RALGPS2: variants seen among roughly 807,000 people sequenced by gnomAD.
RALGPS2 encodes the protein ras-specific guanine nucleotide-releasing factor RalGPS2.
A neutral mutation model predicts 86.8 loss-of-function variants in RALGPS2; 43 were observed. That is an observed-to-expected ratio of 0.50 (90% CI 0.39 to 0.64). RALGPS2 has a LOEUF of 0.64. RALGPS2 is among the 30% of genes least tolerant of loss of function. The pLI is 0.00. For synonymous variants in RALGPS2, 243 were observed against 231.3 expected (o/e 1.05, Z -0.46); for missense variants, 536 against 694.6 (o/e 0.77, Z 2.57).
At chr1:178,856,031 C>T (rs12131301) in intron 8 of RALGPS2, among the ~76,000 whole-genome samples, 1 of 147,950 alleles carries the variant, frequency 6.8e-6, no homozygotes, top group Non-Finnish European at 1.5e-5. Flanking sequence ...TATAAAAATT[C>T]TGATTGTCAA....
chr1:178,894,054 C>A, intron 16 of RALGPS2, 30 bp downstream of exon 16: 1 of 1,323,948 alleles, frequency 7.6e-7, no homozygotes, highest in Non-Finnish European at 1.1e-6. Flanking sequence ...TATTTTAATA[C>A]ACCTCTAAAA....
intron 7 of RALGPS2, among the ~76,000 whole-genome samples, chr1:178,823,600 T>A (rs1313713241): frequency 6.6e-6 from 1 of 152,156 alleles, no homozygotes; most frequent in Admixed American, 6.5e-5. Flanking sequence ...GTAGAGGTAA[T>A]AACAAGTAAA....
chr1:178,811,705 T>C (rs918903372), intron 6 of RALGPS2, among the ~76,000 whole-genome samples: 2 of 152,200 alleles, frequency 1.3e-5, no homozygotes, highest in African/African-American at 4.8e-5. Context: ...TTATAAAATA[T>C]TGGACTATTC....
At chr1:178,805,339 A>G (rs950543412) in intron 4 of RALGPS2, among the ~76,000 whole-genome samples, 1 of 151,536 alleles carries the variant, frequency 6.6e-6, no homozygotes, top group Non-Finnish European at 1.5e-5. Flanking sequence ...TGTTTTAGAC[A>G]TGAAGTCCTT....
intron 1 of RALGPS2, among the ~76,000 whole-genome samples, chr1:178,736,680 T>C (rs902476031): frequency 6.6e-6 from 1 of 152,058 alleles, no homozygotes; most frequent in African/African-American, 2.4e-5. Flanking sequence ...GGCGGATTGC[T>C]TGAGCCCAGG....
chr1:178,920,029 G>A lies in RALGPS2; in HGVS notation c.*3670G>A, dbSNP rs1032042216. The stretch of plus-strand genomic sequence containing the variant: ...GTATGACTTCTTTAGTGACCTTTTA[G>A]GGTTTGCTTTTATTTTCCTCTCTTT... On this transcript the variant is annotated 3_prime_UTR_variant, in exon 20 of 20. Coordinates refer to ENST00000367635, the MANE Select transcript of RALGPS2 (RefSeq NM_152663.5). 6.6e-6 allele frequency: 1 copy of A among 151,896 alleles called. No individual in the cohort carries two copies. The highest frequency in any genetic ancestry group is 2.4e-5 in the African/African-American group (1 of 41,398). 9.4% of individuals were successfully genotyped at this position (151,896 alleles called of 1,614,324 possible).
intron 4 of RALGPS2, among the ~76,000 whole-genome samples, chr1:178,801,701 T>C (rs1654486562): frequency 6.6e-6 from 1 of 152,008 alleles, no homozygotes; most frequent in Admixed American, 6.6e-5. Flanking sequence ...AAAGAGATTG[T>C]GGATATGGCA....
intron 1 of RALGPS2, among the ~76,000 whole-genome samples, chr1:178,755,116 A>G (rs1252088727): frequency 6.6e-6 from 1 of 152,012 alleles, no homozygotes; most frequent in Non-Finnish European, 1.5e-5. Context: ...CCAGTTTTTA[A>G]CATTTTGTCA....
chr1:178,811,456 G>T (rs757726280), intron 6 of RALGPS2, 52 bp downstream of exon 6: 56 of 1,214,684 alleles, frequency 4.6e-5, no homozygotes, highest in Non-Finnish European at 6.1e-5. Context: ...ATAAATGTTT[G>T]TAAGTGAATA....
chr1:178,726,086 C>T (rs1649982866), intron 1 of RALGPS2: 1 of 152,370 alleles, frequency 6.6e-6, no homozygotes, highest in Non-Finnish European at 1.5e-5. Context: ...TCGGCTTGCT[C>T]TACGGCCTGG....
chr1:178,815,327 C>T (rs1364420571), intron 6 of RALGPS2, among the ~76,000 whole-genome samples: 1 of 152,036 alleles, frequency 6.6e-6, no homozygotes, highest in Non-Finnish European at 1.5e-5. Flanking sequence ...TCAGGTGATC[C>T]TCCCATCTCG....
chr1:178,850,657 A>C (rs1464344432), intron 8 of RALGPS2: 7 of 152,450 alleles, frequency 4.6e-5, no homozygotes, highest in African/African-American at 1.7e-4. Flanking sequence ...CAATGGAAGA[A>C]GCATTTTCTA....
intron 8 of RALGPS2, among the ~76,000 whole-genome samples, chr1:178,863,808 G>A (rs565267377): frequency 7.9e-5 from 12 of 152,308 alleles, no homozygotes; most frequent in Non-Finnish European, 1.8e-4. Context: ...TTAAAATGTA[G>A]AAGGCCAGGA....
intron 9 of RALGPS2, among the ~76,000 whole-genome samples, chr1:178,878,417 T>C (rs1319914706): frequency 6.6e-6 from 1 of 152,174 alleles, no homozygotes; most frequent in African/African-American, 2.4e-5. Flanking sequence ...ACTATCAGTG[T>C]GGAGATAGAA....
chr1:178,789,084 T>C (rs1251983147), intron 4 of RALGPS2, among the ~76,000 whole-genome samples: 1 of 152,062 alleles, frequency 6.6e-6, no homozygotes, highest in East Asian at 1.9e-4. Context: ...TTTTTGTATT[T>C]TTAGTACAGA....
At chr1:178,788,837 CTTTCTTTCTT>C (rs1410903533) in intron 4 of RALGPS2, among the ~76,000 whole-genome samples, 8 of 123,210 alleles carry the variant, frequency 6.5e-5, no homozygotes, top group African/African-American at 2.5e-4. Context: ...TGTTTTCTTT[CTTTCTTTCTT>C]TTCTTTTCTT....
intron 1 of RALGPS2, among the ~76,000 whole-genome samples, chr1:178,736,279 A>G (rs1650699751): frequency 6.7e-6 from 1 of 150,128 alleles, no homozygotes. Flanking sequence ...CTCCTGCCTC[A>G]GCTTCTCAAG....
At position 178,742,286 on chromosome 1, in the gene RALGPS2, G is replaced by T. The variant is rs539637232; in HGVS notation, c.-84+16867G>T. Among the ~76,000 whole-genome samples the T allele has an allele frequency of 5.3e-5, 8 of 152,112 alleles. 1 individual carries two copies. In the South Asian group the frequency reaches 1.5e-3, roughly 28 times the overall value. On this transcript the variant is annotated intron_variant, in intron 1 of 19. Coordinates refer to ENST00000367635, the MANE Select transcript of RALGPS2 (RefSeq NM_152663.5). Reference sequence around the variant, plus strand: ...GGATGGAAAAAGATACACCATGCTCGCAATAGTCAAAAGAGCATTATGTGG... The same window carrying T: ...GGATGGAAAAAGATACACCATGCTCTCAATAGTCAAAAGAGCATTATGTGG...
Position 178,883,516 on chromosome 1 carries a change from C to A in RALGPS2, c.887C>A (p.Ser296Tyr). Residue 296 changes from serine (S) to tyrosine (Y), a missense_variant, in exon 11 of 20, where the codon TCC (serine) becomes TAC (tyrosine). Around this residue, in one of 3 missense-constraint regions of RALGPS2, gnomAD observed 309 missense variants for 363.0 expected, o/e 0.85. Coordinates refer to ENST00000367635, the MANE Select transcript of RALGPS2 (RefSeq NM_152663.5). ...ACAAGCACCCCACGTTCTGCTGCTT[C>A]CAGAGAAGATTTAGTAGGTCAGTAC... ...PGTSTPRSAA[S>Y]REDLVGPEVG... The A allele has an allele frequency of 6.2e-7, 1 of 1,613,020 alleles. No homozygotes were observed. Among genetic ancestry groups the A allele is most frequent in the African/African-American group, 1.3e-5 (1 of 74,996 alleles).
Sources: gnomAD v4.1 joint callset for allele counts (sites outside exome capture counted in the v4.1 genomes callset) on GRCh38, gnomAD v4.1.1 for gene constraint, gnomAD v4.1.1 regional missense constraint, MANE v1.5 for transcripts, NCBI Gene and HGNC (gene_info 2026-07-23, HGNC 2026-07-21) for gene names.